Variants in NRXN1 observed in about 807,000 individuals in gnomAD.
The protein encoded by NRXN1 is neurexin-1.
In NRXN1, 39 loss-of-function variants were observed where a neutral mutation model predicts 150.9. The ratio of observed to expected loss-of-function variants is 0.26; its 90% CI spans 0.20 to 0.34. The LOEUF is 0.34. Ranked by LOEUF, NRXN1 falls within the 10% of genes least tolerant of loss-of-function variation. The pLI is 1.00. For synonymous variants in NRXN1, 924 were observed against 757.0 expected (o/e 1.22, Z -3.62); for missense variants, 1,815 against 1,949.9 (o/e 0.93, Z 1.30).
chr2:50,834,028 C>T (rs1198391470), intron 5 of NRXN1, among the ~76,000 whole-genome samples: 2 of 151,868 alleles, frequency 1.3e-5, no homozygotes, highest in Admixed American at 6.6e-5. Context: ...TTAATTTATA[C>T]CAGATTATAC....
intron 12 of NRXN1, among the ~76,000 whole-genome samples, chr2:50,508,682 AC>A (rs1486886382): frequency 6.6e-6 from 1 of 152,216 alleles, no homozygotes; most frequent in East Asian, 1.9e-4. Context: ...TCATCGTTAT[AC>A]CCCATCCTTG....
At position 49,929,742 on chromosome 2, in the gene NRXN1, T is replaced by C. The variant is rs532671897; in HGVS notation, c.4217-7491A>G. ...TTATGATTTTTTTTCTCTAAGAAAATCCCCTCCTTCTATCAACGAGTATAT... is the reference window on the plus strand; with the variant it reads ...TTATGATTTTTTTTCTCTAAGAAAACCCCCTCCTTCTATCAACGAGTATAT... On this transcript the variant is annotated intron_variant, in intron 22 of 22. Transcript: ENST00000401669. 1.1e-4 allele frequency among the ~76,000 whole-genome samples: 16 copies of C among 152,222 alleles called. No homozygotes were observed. The East Asian group carries it at 1.9e-3, about 18-fold the overall frequency.
intron 17 of NRXN1, among the ~76,000 whole-genome samples, chr2:50,451,446 C>T (rs928087155): frequency 2.0e-5 from 3 of 152,150 alleles, no homozygotes; most frequent in Non-Finnish European, 4.4e-5. Flanking sequence ...AGGTATAGCT[C>T]TTCTAAAGCT....
chr2:51,017,208 C>G (rs1025196993), intron 2 of NRXN1, among the ~76,000 whole-genome samples: 4 of 151,946 alleles, frequency 2.6e-5, no homozygotes, highest in African/African-American at 4.8e-5. Context: ...ACCTATATAA[C>G]AAACCTACGT....
intron 17 of NRXN1, among the ~76,000 whole-genome samples, chr2:50,407,646 G>T (rs2082847693): frequency 6.6e-6 from 1 of 151,966 alleles, no homozygotes; most frequent in Non-Finnish European, 1.5e-5. Context: ...GGGGGTGGTA[G>T]CTGTATAAAA....
chr2:50,873,724 G>C (rs1459848353), intron 5 of NRXN1, among the ~76,000 whole-genome samples: 3 of 151,818 alleles, frequency 2.0e-5, no homozygotes, highest in Non-Finnish European at 4.4e-5. Context: ...GCACCTGTTA[G>C]ATCATTATTA....
At chr2:50,718,381 G>A (rs13396432) in intron 5 of NRXN1, among the ~76,000 whole-genome samples, 2,595 of 152,212 alleles carry the variant, frequency 0.017, 81 homozygotes, top group African/African-American at 0.058. Context: ...AGCTGGGAAG[G>A]GAAGGCATGT....
At chr2:50,698,990 T>C (rs1221365298) in intron 5 of NRXN1, among the ~76,000 whole-genome samples, 1 of 152,150 alleles carries the variant, frequency 6.6e-6, no homozygotes, top group Non-Finnish European at 1.5e-5. Flanking sequence ...ATACTACCAA[T>C]TGACAATAGT....
At chr2:50,417,943 A>T (rs1375240035) in intron 17 of NRXN1, among the ~76,000 whole-genome samples, 1 of 151,950 alleles carries the variant, frequency 6.6e-6, no homozygotes, top group Non-Finnish European at 1.5e-5. Context: ...AAGAAGGACC[A>T]TCCTGAAGGC....
At chr2:50,403,157 A>C (rs2082511196) in intron 17 of NRXN1, among the ~76,000 whole-genome samples, 1 of 152,100 alleles carries the variant, frequency 6.6e-6, no homozygotes, top group African/African-American at 2.4e-5. Flanking sequence ...ACCTTTGAAC[A>C]ATGTATGTTG....
intron 17 of NRXN1, among the ~76,000 whole-genome samples, chr2:50,315,204 T>C (rs980925652): frequency 6.6e-6 from 1 of 151,990 alleles, no homozygotes; most frequent in African/African-American, 2.4e-5. Context: ...TTTAAGTGCT[T>C]AACAATTGAG....
At chr2:50,917,348 C>G (rs1685356775) in intron 5 of NRXN1, 1 of 151,656 alleles carries the variant, frequency 6.6e-6, no homozygotes, top group African/African-American at 2.4e-5. Flanking sequence ...TCAGAAATCA[C>G]AGCAAAATAT....
chr2:50,594,452 A>G (rs761893800), intron 8 of NRXN1, among the ~76,000 whole-genome samples: 24 of 152,148 alleles, frequency 1.6e-4, no homozygotes, highest in Non-Finnish European at 2.5e-4. Context: ...AGGCGTAAGT[A>G]TGGGTGAGTC....
chr2:49,941,315 G>A (rs985125094), intron 22 of NRXN1, among the ~76,000 whole-genome samples: 1 of 150,864 alleles, frequency 6.6e-6, no homozygotes, highest in Non-Finnish European at 1.5e-5. Flanking sequence ...ATTTAACAAA[G>A]CAGACAAAAA....
intron 12 of NRXN1, among the ~76,000 whole-genome samples, chr2:50,518,716 T>A (rs1044629477): frequency 2.6e-5 from 4 of 151,900 alleles, no homozygotes; most frequent in Non-Finnish European, 5.9e-5. Flanking sequence ...AGCATTTTTT[T>A]AATGAGGTCA....
chr2:50,188,947 A>C (rs185588500), intron 18 of NRXN1, among the ~76,000 whole-genome samples: 1 of 152,320 alleles, frequency 6.6e-6, no homozygotes, highest in Admixed American at 6.5e-5. Context: ...ACCATTGTGG[A>C]AGACAGTGTG....
chr2:51,030,670 A>G (rs1286926356), intron 1 of NRXN1, among the ~76,000 whole-genome samples: 1 of 152,156 alleles, frequency 6.6e-6, no homozygotes, highest in East Asian at 1.9e-4. Context: ...ACCATCAGCA[A>G]TCACCAGTCA....
intron 5 of NRXN1, among the ~76,000 whole-genome samples, chr2:50,800,121 ACT>A (rs1377122873): frequency 1.3e-5 from 2 of 152,160 alleles, no homozygotes; most frequent in African/African-American, 4.8e-5. Flanking sequence ...GGAATAACGC[ACT>A]GTTTTAATCT....
At chr2:50,363,621 G>A (rs1419320939) in intron 17 of NRXN1, among the ~76,000 whole-genome samples, 2 of 152,172 alleles carry the variant, frequency 1.3e-5, no homozygotes, top group Non-Finnish European at 2.9e-5. Flanking sequence ...GGAGAAAAAG[G>A]AAAACTTTTA....
Sources: gnomAD v4.1 joint callset for allele counts (sites outside exome capture counted in the v4.1 genomes callset) on GRCh38, gnomAD v4.1.1 for gene constraint, MANE v1.5 for transcripts, NCBI Gene and HGNC (gene_info 2026-07-23, HGNC 2026-07-21) for gene names.